The following MRTFB variants were observed in gnomAD, a reference collection of about 807,000 sequenced individuals.
MRTFB encodes the protein myocardin-related transcription factor B.
Under a neutral mutation model 104.2 loss-of-function variants are expected in MRTFB, and 29 were observed. The observed-to-expected ratio is 0.28, with a 90% CI of 0.21 to 0.38. MRTFB has a LOEUF of 0.38. Ranked by LOEUF, MRTFB falls within the 10% of genes least tolerant of loss-of-function variation. The probability of loss-of-function intolerance (pLI) is 1.00; values close to 1 mark genes in which losing one functional copy is unlikely to be tolerated. For missense variants in MRTFB, 1,270 were observed against 1,341.6 expected, an observed-to-expected ratio of 0.95 and a Z score of 0.83; for synonymous variants, 535 against 519.5, an observed-to-expected ratio of 1.03 and a Z score of -0.41.
chr16:14,101,245 T>C (rs1361952185), intron 2 of MRTFB, among the ~76,000 whole-genome samples: 1 of 151,992 alleles, frequency 6.6e-6, no homozygotes, highest in Non-Finnish European at 1.5e-5. Context: ...TCAGAGAAGT[T>C]AAGACACAAA....
the MRTFB span, among the ~76,000 whole-genome samples, chr16:14,051,235 C>T: frequency 6.6e-6 from 1 of 151,844 alleles, no homozygotes; most frequent in Non-Finnish European, 1.5e-5. Context: ...CAGACACAGT[C>T]ATACAGACAC....
intron 3 of MRTFB, among the ~76,000 whole-genome samples, chr16:14,201,828 C>T (rs887773899): frequency 6.6e-6 from 1 of 152,006 alleles, no homozygotes; most frequent in South Asian, 2.1e-4. Context: ...CGTTTTCTTG[C>T]TATAATGGGG....
At chr16:14,164,290 T>TTAC (rs1305452879) in intron 3 of MRTFB, among the ~76,000 whole-genome samples, 5 of 152,196 alleles carry the variant, frequency 3.3e-5, no homozygotes, top group Non-Finnish European at 5.9e-5. Flanking sequence ...ATCAACTTTT[T>TTAC]TACCTTCATG....
intron 2 of MRTFB, among the ~76,000 whole-genome samples, chr16:14,124,667 AT>A (rs1331798314): frequency 7.2e-5 from 11 of 152,170 alleles, no homozygotes; most frequent in Non-Finnish European, 1.3e-4. Flanking sequence ...GTTTGCCAGT[AT>A]TTTATCGAGG....
the MRTFB span, among the ~76,000 whole-genome samples, chr16:14,017,687 G>GTGTGTGTGTA: frequency 2.9e-4 from 2 of 6,808 alleles, no homozygotes; most frequent in African/African-American, 5.2e-4. Flanking sequence ...GTGTGTGTGT[G>GTGTGTGTGTA]TATATATATA....
chr16:14,121,957 T>TA (rs1447942609), intron 2 of MRTFB, among the ~76,000 whole-genome samples: 1 of 152,212 alleles, frequency 6.6e-6, no homozygotes, highest in Non-Finnish European at 1.5e-5. Context: ...CACTCAGAGA[T>TA]AGCCGGTTGG....
intron 2 of MRTFB, among the ~76,000 whole-genome samples, chr16:14,133,377 G>T (rs1316774227): frequency 6.6e-6 from 1 of 152,176 alleles, no homozygotes; most frequent in Admixed American, 6.5e-5. Flanking sequence ...TCTGACTCTG[G>T]CTAATTAAGT....
Position 14,076,947 on chromosome 16 carries a change from T to C in MRTFB, c.-128-2343T>C, listed in dbSNP as rs151294906. 3.5e-3 allele frequency among the ~76,000 whole-genome samples: 534 copies of C among 152,360 alleles called. 3 individuals carry two copies. The highest frequency in any genetic ancestry group is 0.012 in the African/African-American group (517 of 41,588). ...TGTATTCCTTTTTCTGTGAGCTATC[T>C]GTTCATACCCTTTGCACATTTTTCT... On this transcript the variant is annotated intron_variant, in intron 1 of 16. Coordinates refer to ENST00000571589, the MANE Select transcript of MRTFB (RefSeq NM_001308142.2).
chr16:14,195,611 C>A lies in MRTFB; in HGVS notation c.155-14632C>A, dbSNP rs186282689. 3.1e-6 allele frequency: 3 copies of A among 960,436 alleles called. No homozygotes were observed. In the African/African-American group the frequency reaches 5.3e-5, roughly 17 times the overall value. 59.5% of individuals were successfully genotyped at this position (960,436 alleles called of 1,614,324 possible). On this transcript the variant is annotated intron_variant, in intron 3 of 16. Transcript: ENST00000571589. ...GGAAAAATTGGAGGTAAACAATATT[C>A]CACTGTTTCCTGTTTCGTTAATTGT...
chr16:14,014,273 A>C, the MRTFB span, among the ~76,000 whole-genome samples: 3 of 152,128 alleles, frequency 2.0e-5, no homozygotes, highest in Non-Finnish European at 4.4e-5. Context: ...GTGCCGGGCA[A>C]GGTGGCTCAT....
the MRTFB span, among the ~76,000 whole-genome samples, chr16:14,063,211 C>T: frequency 2.0e-5 from 3 of 152,172 alleles, no homozygotes; most frequent in African/African-American, 2.4e-5. Flanking sequence ...GGACCAACGA[C>T]GTTGCTCACA....
At chr16:14,111,032 C>A (rs917428880) in intron 2 of MRTFB, among the ~76,000 whole-genome samples, 1 of 152,220 alleles carries the variant, frequency 6.6e-6, no homozygotes, top group Non-Finnish European at 1.5e-5. Context: ...CTAACACACC[C>A]TGCAGTGTAA....
chr16:14,154,222 C>T (rs2038740244), intron 3 of MRTFB, among the ~76,000 whole-genome samples: 1 of 152,092 alleles, frequency 6.6e-6, no homozygotes, highest in Admixed American at 6.6e-5. Flanking sequence ...GTAGTCCCTG[C>T]TACTTGCGGG....
At chr16:14,235,628 A>T (rs147966273) in intron 9 of MRTFB, among the ~76,000 whole-genome samples, 2 of 152,318 alleles carry the variant, frequency 1.3e-5, no homozygotes, top group East Asian at 1.9e-4. Flanking sequence ...ACACATTAGG[A>T]AACAGACCAG....
chr16:14,071,022 C>G (rs1013634036), upstream of MRTFB, among the ~76,000 whole-genome samples: 1 of 152,214 alleles, frequency 6.6e-6, no homozygotes, highest in Non-Finnish European at 1.5e-5. Context: ...TTGTCGCCAC[C>G]GTCCAAGCCT....
chr16:14,260,948 C>T lies in MRTFB; in HGVS notation c.2804C>T (p.Ser935Phe). The change falls in exon 17 of 17, where the codon TCC (serine) becomes TTC (phenylalanine). Residue 935 changes from serine (S) to phenylalanine (F), a missense_variant. Physicochemically the swap from Ser to Phe is radical, Grantham distance 155. This residue lies in a region of MRTFB where 1,144 missense variants were observed against 1,131.5 expected (regional missense o/e 1.01). Coordinates refer to ENST00000571589, the MANE Select transcript of MRTFB (RefSeq NM_001308142.2). ...ATAAAAGAAGAACCTTCTCCTATTTCCAAAATGAGACCAGTGACAGCCAGC... is the reference window on the plus strand; with the variant it reads ...ATAAAAGAAGAACCTTCTCCTATTTTCAAAATGAGACCAGTGACAGCCAGC... ...LPIKEEPSPISKMRPVTASIT... is the reference protein window; with the variant it reads ...LPIKEEPSPIFKMRPVTASIT... The T allele has an allele frequency of 6.2e-7, 1 of 1,613,156 alleles. No homozygotes were observed. The highest frequency in any genetic ancestry group is 2.2e-5 in the East Asian group (1 of 44,870).
chr16:14,176,596 G>A (rs984172427), intron 3 of MRTFB, among the ~76,000 whole-genome samples: 1 of 152,188 alleles, frequency 6.6e-6, no homozygotes, highest in African/African-American at 2.4e-5. Context: ...TTTCCTCACA[G>A]AACCCATTGA....
chr16:14,107,686 G>A (rs1256182426), intron 2 of MRTFB, among the ~76,000 whole-genome samples: 1 of 152,192 alleles, frequency 6.6e-6, no homozygotes. Flanking sequence ...AGATGCATAG[G>A]TGAAAAGATG....
At chr16:14,060,441 C>A in the MRTFB span, among the ~76,000 whole-genome samples, 1 of 151,920 alleles carries the variant, frequency 6.6e-6, no homozygotes, top group Non-Finnish European at 1.5e-5. Context: ...GTTCATAAAG[C>A]TCTCATATAT....
Sources: gnomAD v4.1 joint callset for allele counts (sites outside exome capture counted in the v4.1 genomes callset) on GRCh38, gnomAD v4.1.1 for gene constraint, gnomAD v4.1.1 regional missense constraint, MANE v1.5 for transcripts, NCBI Gene and HGNC (gene_info 2026-07-23, HGNC 2026-07-21) for gene names.